CMSS1: variants seen among roughly 807,000 people sequenced by gnomAD.
The protein encoded by CMSS1 is cms1 ribosomal small subunit homolog.
Under a neutral mutation model 43.5 loss-of-function variants are expected in CMSS1, and 33 were observed. The observed-to-expected ratio is 0.76, with a 90% CI of 0.57 to 1.01. The LOEUF is 1.01. Ranked by LOEUF, CMSS1 falls within the 50% of genes least tolerant of loss-of-function variation. CMSS1 has a pLI of 0.00. For missense variants in CMSS1, 313 were observed against 326.4 expected, an observed-to-expected ratio of 0.96 and a Z score of 0.32; for synonymous variants, 115 against 117.2, an observed-to-expected ratio of 0.98 and a Z score of 0.12.
Position 100,160,537 on chromosome 3 carries a change from A to C in CMSS1, c.225+36A>C, listed in dbSNP as rs372520441. ...TAATTTCTTAAATTTGTATGGCCCCACATGGTTTCCATCACATTTTTATAT... is the reference window on the plus strand; with the variant it reads ...TAATTTCTTAAATTTGTATGGCCCCCCATGGTTTCCATCACATTTTTATAT... On this transcript the variant is annotated intron_variant, in intron 3 of 9. Transcript: ENST00000421999. 4 of 1,030,912 alleles carry C rather than the reference A, an allele frequency of 3.9e-6. No homozygotes were observed. In the South Asian group the frequency reaches 4.1e-5, roughly 11 times the overall value. The allele number at this position is 1,030,912 out of a possible 1,614,324, so 63.9% of individuals were successfully genotyped here.
At chr3:100,163,166 A>G (rs1343965751) in intron 4 of CMSS1, among the ~76,000 whole-genome samples, 1 of 152,186 alleles carries the variant, frequency 6.6e-6, no homozygotes, top group African/African-American at 2.4e-5. Context: ...CATTTTTAAC[A>G]AACTATTCAA....
At chr3:99,930,030 C>T in intron 1 of CMSS1, 3 of 1,594,684 alleles carry the variant, frequency 1.9e-6, no homozygotes, top group East Asian at 2.3e-5. Flanking sequence ...CATCTCGAGC[C>T]TGTAGGAACA....
intron 1 of CMSS1, among the ~76,000 whole-genome samples, chr3:99,861,023 T>G (rs1223618223): frequency 3.3e-5 from 5 of 152,228 alleles, no homozygotes; most frequent in Non-Finnish European, 7.3e-5. Flanking sequence ...AATACACTGC[T>G]GTGCTAGAGA....
At chr3:99,934,048 A>T (rs1361894058) in intron 1 of CMSS1, among the ~76,000 whole-genome samples, 2 of 152,216 alleles carry the variant, frequency 1.3e-5, no homozygotes, top group African/African-American at 4.8e-5. Flanking sequence ...GGAGAGCCTC[A>T]GCCGGGTCAT....
At position 100,074,675 on chromosome 3, in the gene CMSS1, A is replaced by ATTTTTTTTTTTTTTTTTTTTTTTTTT. The variant is rs555819875; in HGVS notation, c.65-72287_65-72262dup. ...ATTTTCTATGCATGTGCAACATTTG[A>ATTTTTTTTTTTTTTTTTTTTTTTTTT]TTTTTTTTTTTTTTTTTTTTTTTTT... On this transcript the variant is annotated intron_variant, in intron 1 of 9. Transcript: ENST00000421999. Among the ~76,000 whole-genome samples, 13 of 34,800 alleles carry ATTTTTTTTTTTTTTTTTTTTTTTTTT rather than the reference A, an allele frequency of 3.7e-4. 5 individuals carry two copies. The highest frequency in any genetic ancestry group is 2.1e-3 in the East Asian group (2 of 942). 22.8% of individuals were successfully genotyped at this position (34,800 alleles called of 152,430 possible).
chr3:100,167,914 T>C, intron 6 of CMSS1, 74 bp downstream of exon 6: 1 of 1,002,014 alleles, frequency 1.0e-6, no homozygotes, highest in Non-Finnish European at 1.5e-6. Context: ...TTATGTTCTA[T>C]GTGCTGGAGA....
intron 1 of CMSS1, among the ~76,000 whole-genome samples, chr3:100,020,450 C>T (rs190183017): frequency 2.6e-5 from 4 of 152,260 alleles, no homozygotes; most frequent in Admixed American, 1.3e-4. Context: ...AAAATACATG[C>T]TGTCAGCCTA....
intron 1 of CMSS1, chr3:100,141,761 A>T: frequency 2.9e-6 from 1 of 340,594 alleles, no homozygotes; most frequent in Non-Finnish European, 5.7e-6. Context: ...CCCATCTGGC[A>T]GTGTCTTTTT....
chr3:99,818,158 T>C, intron 1 of CMSS1, 115 bp downstream of exon 1: 1 of 910,704 alleles, frequency 1.1e-6, no homozygotes, highest in South Asian at 1.4e-5. Flanking sequence ...GTGCACCGCC[T>C]TGGGAGCGCG....
chr3:100,035,775 C>T (rs1455685779), intron 1 of CMSS1, among the ~76,000 whole-genome samples: 4 of 151,938 alleles, frequency 2.6e-5, no homozygotes, highest in South Asian at 4.1e-4. Context: ...AGAAAGAATC[C>T]CCATGTGCTC....
rs1479663132 is a variant in CMSS1 at position 99,916,453 on chromosome 3, CA to C, written c.64+98411del. Among the ~76,000 whole-genome samples, 1,066 of 150,670 alleles carry C rather than the reference CA, an allele frequency of 7.1e-3. 19 individuals carry two copies. The highest frequency in any genetic ancestry group is 0.024 in the African/African-American group (981 of 40,952). On this transcript the variant is annotated intron_variant, in intron 1 of 9. Coordinates refer to ENST00000421999, the MANE Select transcript of CMSS1 (RefSeq NM_032359.4). ...AACGGTTTATACACACACACACACA[CA>C]CACACACACACACACACACACACAC...
At chr3:100,161,087 T>G (rs1406972056) in intron 3 of CMSS1, among the ~76,000 whole-genome samples, 1 of 152,190 alleles carries the variant, frequency 6.6e-6, no homozygotes, top group Non-Finnish European at 1.5e-5. Context: ...AAAGTATGGT[T>G]AGCTATGACC....
At chr3:99,995,506 A>G (rs1215936804) in intron 1 of CMSS1, among the ~76,000 whole-genome samples, 1 of 152,072 alleles carries the variant, frequency 6.6e-6, no homozygotes, top group Non-Finnish European at 1.5e-5. Context: ...GGTCTGGAGG[A>G]TGGTGGCCCT....
At chr3:100,042,695 G>A (rs2065224638) in intron 1 of CMSS1, among the ~76,000 whole-genome samples, 1 of 152,186 alleles carries the variant, frequency 6.6e-6, no homozygotes, top group African/African-American at 2.4e-5. Flanking sequence ...GAGGAATAGA[G>A]AACAGGTTTT....
intron 1 of CMSS1, among the ~76,000 whole-genome samples, chr3:99,951,206 A>G (rs1708166263): frequency 1.3e-5 from 2 of 152,180 alleles, no homozygotes; most frequent in African/African-American, 2.4e-5. Flanking sequence ...CCCTCAGCTG[A>G]TACTTCCTGG....
At chr3:100,103,939 C>G (rs532888685) in intron 1 of CMSS1, among the ~76,000 whole-genome samples, 1 of 152,252 alleles carries the variant, frequency 6.6e-6, no homozygotes, top group South Asian at 2.1e-4. Context: ...GCCAAGGTTC[C>G]TGACAGCTTG....
chr3:100,030,477 G>T (rs1438309298), intron 1 of CMSS1, among the ~76,000 whole-genome samples: 1 of 152,012 alleles, frequency 6.6e-6, no homozygotes, highest in African/African-American at 2.4e-5. Flanking sequence ...CCTACTTAAG[G>T]CATTATTGCT....
Position 99,934,612 on chromosome 3 carries a change from A to T in CMSS1, c.64+116569A>T, listed in dbSNP as rs577681125. On this transcript the variant is annotated intron_variant, in intron 1 of 9. Coordinates refer to ENST00000421999, the MANE Select transcript of CMSS1 (RefSeq NM_032359.4). ...GAATACCAAGATAATGTAAGCTTTT[A>T]TTTAGCAGGGTAATTTGCTAAACAT... is the stretch of plus-strand genomic sequence containing the variant. Among the ~76,000 whole-genome samples, 21 of 152,288 alleles carry T rather than the reference A, an allele frequency of 1.4e-4. 1 individual carries two copies. In the East Asian group the frequency reaches 3.9e-3, roughly 28 times the overall value.
chr3:99,852,059 T>A (rs994936321), intron 1 of CMSS1, among the ~76,000 whole-genome samples: 22 of 152,252 alleles, frequency 1.4e-4, no homozygotes, highest in Non-Finnish European at 2.9e-5. Context: ...TCTTCTTTTA[T>A]GTTTTAAATT....
Sources: gnomAD v4.1 joint callset for allele counts (sites outside exome capture counted in the v4.1 genomes callset) on GRCh38, gnomAD v4.1.1 for gene constraint, MANE v1.5 for transcripts, NCBI Gene and HGNC (gene_info 2026-07-23, HGNC 2026-07-21) for gene names.